The following GALNTL6 variants were observed in gnomAD, a reference collection of about 807,000 sequenced individuals.
GALNTL6 encodes polypeptide N-acetylgalactosaminyltransferase like 6.
In GALNTL6, 46 loss-of-function variants were observed where a neutral mutation model predicts 73.7. That is an observed-to-expected ratio of 0.62 (90% CI 0.49 to 0.80). The LOEUF (loss-of-function observed/expected upper bound fraction) is 0.80. Ranked by LOEUF, GALNTL6 falls within the 30% of genes least tolerant of loss-of-function variation. The pLI, the probability that GALNTL6 is intolerant of heterozygous loss-of-function variation, is 0.00. For synonymous variants in GALNTL6, 259 were observed against 263.7 expected, an observed-to-expected ratio of 0.98 and a Z score of 0.17; for missense variants, 604 against 755.0, an observed-to-expected ratio of 0.80 and a Z score of 2.34.
rs146300521 is a variant in GALNTL6, at chr4:172,446,381, A to G, written c.553+97692A>G. ...TACATTGAGATTGCCCTTAGAAATC[A>G]GACAAGAGGCATTTGAAACTGACTA... On this transcript the variant is annotated intron_variant, in intron 5 of 12. Coordinates refer to ENST00000506823, the MANE Select transcript of GALNTL6 (RefSeq NM_001034845.3). Among the ~76,000 whole-genome samples the G allele has an allele frequency of 2.4e-3, 371 of 152,292 alleles. 2 individuals are homozygous for G. The highest frequency in any genetic ancestry group is 8.4e-3 in the African/African-American group (350 of 41,572).
intron 5 of GALNTL6, among the ~76,000 whole-genome samples, chr4:172,729,822 G>T (rs895272617): frequency 1.3e-5 from 2 of 152,004 alleles, no homozygotes; most frequent in Non-Finnish European, 2.9e-5. Context: ...ACTTTGGGTG[G>T]TATTGTCATC....
intron 2 of GALNTL6, among the ~76,000 whole-genome samples, chr4:172,026,820 C>T (rs1333528487): frequency 6.6e-6 from 1 of 152,088 alleles, no homozygotes; most frequent in Non-Finnish European, 1.5e-5. Flanking sequence ...CTATATAAAA[C>T]ATAATTGGTA....
At chr4:172,768,171 A>G (rs1738552420) in intron 5 of GALNTL6, among the ~76,000 whole-genome samples, 1 of 152,208 alleles carries the variant, frequency 6.6e-6, no homozygotes, top group Non-Finnish European at 1.5e-5. Context: ...ATAAATATTG[A>G]ATGCTTAATA....
intron 10 of GALNTL6, among the ~76,000 whole-genome samples, chr4:173,007,348 G>A (rs1290869482): frequency 6.6e-6 from 1 of 152,100 alleles, no homozygotes; most frequent in African/African-American, 2.4e-5. Flanking sequence ...GGACCTGAAG[G>A]TATTATCATA....
At chr4:172,561,659 G>A (rs550173251) in intron 5 of GALNTL6, among the ~76,000 whole-genome samples, 8 of 152,186 alleles carry the variant, frequency 5.3e-5, no homozygotes, top group African/African-American at 1.7e-4. Context: ...TGTTTCCTCC[G>A]TCAATATGTT....
At chr4:171,991,408 G>T (rs1740330002) in intron 2 of GALNTL6, among the ~76,000 whole-genome samples, 1 of 152,008 alleles carries the variant, frequency 6.6e-6, no homozygotes, top group South Asian at 2.1e-4. Flanking sequence ...TTTCTGTGGT[G>T]ATTTTTTAAA....
chr4:172,250,839 A>G (rs1472037468), intron 3 of GALNTL6, among the ~76,000 whole-genome samples: 1 of 152,230 alleles, frequency 6.6e-6, no homozygotes, highest in Non-Finnish European at 1.5e-5. Context: ...GATAAAAAAC[A>G]GAGCAAGTTT....
At chr4:172,429,204 T>TTTTATTTTATTTTA (rs1302705543) in intron 5 of GALNTL6, among the ~76,000 whole-genome samples, 13 of 147,614 alleles carry the variant, frequency 8.8e-5, no homozygotes, top group African/African-American at 2.7e-4. Flanking sequence ...TATTATTTTA[T>TTTTATTTTATTTTA]TTTATTTTAT....
intron 7 of GALNTL6, among the ~76,000 whole-genome samples, chr4:172,837,724 T>C (rs1560984859): frequency 6.6e-6 from 1 of 152,098 alleles, no homozygotes; most frequent in Non-Finnish European, 1.5e-5. Context: ...CTCCCTATGA[T>C]AAAAGCAATT....
intron 2 of GALNTL6, among the ~76,000 whole-genome samples, chr4:172,132,532 T>C (rs1345766289): frequency 6.6e-6 from 1 of 152,152 alleles, no homozygotes; most frequent in Non-Finnish European, 1.5e-5. Flanking sequence ...TATTGTGGTA[T>C]GTATGAGTGT....
intron 2 of GALNTL6, among the ~76,000 whole-genome samples, chr4:171,903,383 G>C (rs1490948409): frequency 6.6e-6 from 1 of 152,098 alleles, no homozygotes; most frequent in African/African-American, 2.4e-5. Flanking sequence ...AGGGGTGATG[G>C]ACGGCACCTG....
chr4:172,312,464 G>C (rs965438547), intron 4 of GALNTL6, among the ~76,000 whole-genome samples: 2 of 151,956 alleles, frequency 1.3e-5, no homozygotes, highest in Non-Finnish European at 2.9e-5. Flanking sequence ...GATACTAACT[G>C]AGAACATGGA....
At chr4:172,774,271 A>C (rs537573910) in intron 5 of GALNTL6, among the ~76,000 whole-genome samples, 17 of 152,330 alleles carry the variant, frequency 1.1e-4, no homozygotes, top group Non-Finnish European at 1.9e-4. Flanking sequence ...CTGTGTCTCA[A>C]CATGGTGGTT....
chr4:172,196,645 C>T (rs1386185089), intron 2 of GALNTL6, among the ~76,000 whole-genome samples: 3 of 152,116 alleles, frequency 2.0e-5, no homozygotes, highest in East Asian at 3.9e-4. Flanking sequence ...TCAACTTATA[C>T]AAATCAATAA....
intron 10 of GALNTL6, among the ~76,000 whole-genome samples, chr4:172,958,307 G>A (rs897069957): frequency 1.3e-5 from 2 of 152,184 alleles, no homozygotes; most frequent in Non-Finnish European, 2.9e-5. Context: ...AGCCTACAGG[G>A]TGCGGTCCTG....
At chr4:172,914,416 A>C (rs1579647178) in intron 8 of GALNTL6, among the ~76,000 whole-genome samples, 1 of 152,366 alleles carries the variant, frequency 6.6e-6, no homozygotes, top group East Asian at 1.9e-4. Flanking sequence ...CTTAAATGTA[A>C]ATGGGCTACA....
At chr4:172,318,563 G>A (rs1005959317) in intron 4 of GALNTL6, among the ~76,000 whole-genome samples, 7 of 152,138 alleles carry the variant, frequency 4.6e-5, no homozygotes, top group East Asian at 3.9e-4. Flanking sequence ...TTAGCTGGGC[G>A]TGGTGGTGGG....
chr4:172,866,558 G>A (rs1474237371), intron 7 of GALNTL6, among the ~76,000 whole-genome samples: 1 of 152,132 alleles, frequency 6.6e-6, no homozygotes, highest in Admixed American at 6.5e-5. Context: ...GATTATTGTT[G>A]GTTATTGTTA....
chr4:172,975,841 G>A (rs1279393990), intron 10 of GALNTL6, among the ~76,000 whole-genome samples: 3 of 152,196 alleles, frequency 2.0e-5, no homozygotes, highest in Non-Finnish European at 2.9e-5. Flanking sequence ...TTCGAAATCT[G>A]AGTGGGCAAC....
Sources: gnomAD v4.1 joint callset for allele counts (sites outside exome capture counted in the v4.1 genomes callset) on GRCh38, gnomAD v4.1.1 for gene constraint, MANE v1.5 for transcripts, NCBI Gene and HGNC (gene_info 2026-07-23, HGNC 2026-07-21) for gene names.